The following EXOC6 variants were observed in gnomAD, a reference collection of about 807,000 sequenced individuals.
EXOC6 encodes SEC15-like 1.
In EXOC6, 60 loss-of-function variants were observed where a neutral mutation model predicts 112.5. The observed-to-expected ratio is 0.53, with a 90% CI of 0.43 to 0.66. The LOEUF is 0.66. Among genes scored for constraint, EXOC6 ranks in the 30% least tolerant of loss-of-function variants. The pLI is 0.00. For synonymous variants in EXOC6, 295 were observed against 308.0 expected (o/e 0.96, Z 0.44); for missense variants, 855 against 957.1 (o/e 0.89, Z 1.41).
intron 20 of EXOC6, among the ~76,000 whole-genome samples, chr10:93,039,884 C>T (rs958207238): frequency 3.5e-4 from 54 of 152,172 alleles, no homozygotes; most frequent in South Asian, 2.1e-4. Context: ...TCATAGAATT[C>T]GGAGGATACT....
intron 1 of EXOC6, among the ~76,000 whole-genome samples, chr10:92,887,037 A>G (rs1337578641): frequency 6.6e-6 from 1 of 152,164 alleles, no homozygotes; most frequent in Non-Finnish European, 1.5e-5. Flanking sequence ...ACTGTGGGGA[A>G]TTGTTGACCT....
At chr10:92,916,325 C>T (rs1851085368) in intron 7 of EXOC6, among the ~76,000 whole-genome samples, 1 of 152,270 alleles carries the variant, frequency 6.6e-6, no homozygotes, top group East Asian at 1.9e-4. Flanking sequence ...GCCTGGCCAA[C>T]ATGGTGAAAC....
intron 6 of EXOC6, among the ~76,000 whole-genome samples, chr10:92,911,309 C>T (rs1266826861): frequency 6.6e-6 from 1 of 152,090 alleles, no homozygotes; most frequent in Non-Finnish European, 1.5e-5. Context: ...TTATAGAGCT[C>T]CTCACCATTG....
At chr10:93,014,045 G>A in intron 19 of EXOC6, 149 bp from the exon 20 acceptor site, 1 of 627,664 alleles carries the variant, frequency 1.6e-6, no homozygotes, top group Non-Finnish European at 2.7e-6. Context: ...CTCAGTAGTG[G>A]AAATTGAAGT....
intron 1 of EXOC6, among the ~76,000 whole-genome samples, chr10:92,881,649 G>C (rs1848970913): frequency 6.6e-6 from 1 of 152,118 alleles, no homozygotes; most frequent in South Asian, 2.1e-4. Flanking sequence ...TTGTGTTTCT[G>C]ATTTGCTTCT....
intron 15 of EXOC6, among the ~76,000 whole-genome samples, chr10:92,954,261 C>CA (rs1367677542): frequency 6.6e-6 from 1 of 152,046 alleles, no homozygotes; most frequent in Non-Finnish European, 1.5e-5. Flanking sequence ...GCCTGGGTGA[C>CA]AAAGTGAGAC....
intron 18 of EXOC6, among the ~76,000 whole-genome samples, chr10:92,976,112 G>C (rs1321063633): frequency 2.7e-5 from 4 of 149,372 alleles, no homozygotes; most frequent in Non-Finnish European, 6.0e-5. Context: ...GCCTCTGCCC[G>C]GCCACCCCTA....
chr10:92,910,172 C>A (rs148651550), intron 6 of EXOC6, among the ~76,000 whole-genome samples: 1 of 152,100 alleles, frequency 6.6e-6, no homozygotes, highest in Non-Finnish European at 1.5e-5. Flanking sequence ...CATGGGCTCA[C>A]GATAGTCATA....
In EXOC6 at chr10:92,899,599, T is replaced by C; in HGVS notation, c.413T>C (p.Val138Ala). Residue 138 changes from valine to alanine, a missense_variant and splice_region_variant, in exon 5 of 22, where the codon GTG becomes GCG. Val to Ala is a moderately conservative substitution (Grantham distance 64). Coordinates refer to ENST00000260762, the MANE Select transcript of EXOC6 (RefSeq NM_019053.6). ...VVEKLQLCLP[V>A]LEMYSKLKEQ... ...TAAAATGTTATATTTTTTAATGCAG[T>C]GCTAGAAATGTACAGTAAGCTGAAA... The C allele has an allele frequency of 6.3e-7, 1 of 1,598,202 alleles. No homozygotes were observed. The highest frequency in any genetic ancestry group is 8.5e-7 in the Non-Finnish European group (1 of 1,171,800).
At chr10:92,989,908 T>C (rs1843161720) in intron 18 of EXOC6, among the ~76,000 whole-genome samples, 1 of 152,212 alleles carries the variant, frequency 6.6e-6, no homozygotes, top group African/African-American at 2.4e-5. Context: ...GTTGTAGTTA[T>C]TTCTGTGGGA....
intron 7 of EXOC6, among the ~76,000 whole-genome samples, chr10:92,918,922 A>G (rs993020876): frequency 2.0e-5 from 3 of 152,230 alleles, no homozygotes; most frequent in South Asian, 2.1e-4. Context: ...AGACAAATGA[A>G]CAGCTTCAAA....
rs776385918 is a variant in EXOC6, at chr10:92,955,560, A to G, written c.1639-20A>G. 3 of 1,598,096 alleles carry G rather than the reference A, an allele frequency of 1.9e-6. No homozygotes were observed. Among genetic ancestry groups the G allele is most frequent in the East Asian group, 4.5e-5 (2 of 44,644 alleles). On this transcript the variant is annotated intron_variant, in intron 16 of 21. Transcript: ENST00000260762. ...ATACATGTAACCTGTATTTTACTAGATATATCTTGTGTTTTCTAGCTGGTA... is the reference window on the plus strand; with the variant it reads ...ATACATGTAACCTGTATTTTACTAGGTATATCTTGTGTTTTCTAGCTGGTA...
At chr10:93,047,373 T>C (rs1846046549) in intron 20 of EXOC6, among the ~76,000 whole-genome samples, 1 of 151,728 alleles carries the variant, frequency 6.6e-6, no homozygotes, top group Admixed American at 6.6e-5. Flanking sequence ...TTGTCTCTAC[T>C]AAAAATGCAA....
At chr10:92,849,655 T>G (rs1847229393) in intron 1 of EXOC6, among the ~76,000 whole-genome samples, 1 of 152,210 alleles carries the variant, frequency 6.6e-6, no homozygotes, top group Non-Finnish European at 1.5e-5. Flanking sequence ...GCTGTACAGT[T>G]TGTGGACCTG....
chr10:92,978,293 T>G (rs1351571670), intron 18 of EXOC6, among the ~76,000 whole-genome samples: 2 of 151,866 alleles, frequency 1.3e-5, no homozygotes, highest in African/African-American at 4.8e-5. Context: ...ACCTTTAGTC[T>G]TGGCTACTCA....
intron 18 of EXOC6, among the ~76,000 whole-genome samples, chr10:92,995,206 T>G (rs1285564295): frequency 6.6e-6 from 1 of 152,114 alleles, no homozygotes; most frequent in Non-Finnish European, 1.5e-5. Flanking sequence ...TAAATTTGTG[T>G]GTGTGTATGT....
intron 17 of EXOC6, among the ~76,000 whole-genome samples, chr10:92,959,012 T>C (rs1264828686): frequency 1.3e-5 from 2 of 152,086 alleles, no homozygotes; most frequent in East Asian, 3.9e-4. Flanking sequence ...GAGAATCGCT[T>C]GAACCCGGGA....
At chr10:92,977,704 C>T (rs1028652427) in intron 18 of EXOC6, among the ~76,000 whole-genome samples, 5 of 151,930 alleles carry the variant, frequency 3.3e-5, no homozygotes, top group East Asian at 1.9e-4. Flanking sequence ...TACACACACA[C>T]ACGTTTTATG....
intron 20 of EXOC6, among the ~76,000 whole-genome samples, chr10:93,045,187 A>T (rs561001954): frequency 2.6e-5 from 4 of 152,244 alleles, no homozygotes; most frequent in Admixed American, 2.6e-4. Flanking sequence ...TTTAGTTTTA[A>T]TTTTAGTTCA....
Sources: gnomAD v4.1 joint callset for allele counts (sites outside exome capture counted in the v4.1 genomes callset) on GRCh38, gnomAD v4.1.1 for gene constraint, MANE v1.5 for transcripts, NCBI Gene and HGNC (gene_info 2026-07-23, HGNC 2026-07-21) for gene names.